SCNN1B: variants seen among roughly 807,000 people sequenced by gnomAD.
SCNN1B encodes sodium channel epithelial 1 subunit beta, also known as epithelial sodium channel subunit beta.
In SCNN1B, 46 loss-of-function variants were observed where a neutral mutation model predicts 65.3. That is an observed-to-expected ratio of 0.70 (90% CI 0.56 to 0.90). The LOEUF (loss-of-function observed/expected upper bound fraction) is 0.90. SCNN1B is among the 40% of genes least tolerant of loss of function. The pLI, the probability that SCNN1B is intolerant of heterozygous loss-of-function variation, is 0.00. For synonymous variants in SCNN1B, 349 were observed against 330.6 expected, an observed-to-expected ratio of 1.06 and a Z score of -0.60; for missense variants, 751 against 830.5, an observed-to-expected ratio of 0.90 and a Z score of 1.18.
intron 2 of SCNN1B, among the ~76,000 whole-genome samples, chr16:23,351,236 G>A (rs912660845): frequency 2.6e-5 from 4 of 152,046 alleles, no homozygotes; most frequent in African/African-American, 9.7e-5. Flanking sequence ...ACTCCTTCTG[G>A]GCACTGATCC....
intron 7 of SCNN1B, among the ~76,000 whole-genome samples, chr16:23,374,573 C>CAA (rs1168924579): frequency 3.2e-3 from 152 of 47,938 alleles, no homozygotes; most frequent in Non-Finnish European, 4.6e-3. Flanking sequence ...GACTCCATCT[C>CAA]AAAAAAAAAA....
At chr16:23,360,225 T>TAAATAAACAAATAAAC (rs748501690) in intron 4 of SCNN1B, among the ~76,000 whole-genome samples, 2 of 150,022 alleles carry the variant, frequency 1.3e-5, no homozygotes, top group African/African-American at 4.9e-5. Flanking sequence ...AATAAATAAA[T>TAAATAAACAAATAAAC]AAACAAATAA....
rs200738425 is a variant in SCNN1B at position 23,343,581 on chromosome 16, GAGAAAGAAAGAAAGAAAGAAAGAA to G, written c.-8-4965_-8-4942del. 6.3e-3 allele frequency among the ~76,000 whole-genome samples: 446 copies of G among 70,384 alleles called. 3 individuals carry two copies. Among genetic ancestry groups the G allele is most frequent in the Admixed American group, 0.012 (69 of 5,766 alleles). 46.2% of individuals were successfully genotyped at this position (70,384 alleles called of 152,430 possible). The stretch of plus-strand genomic sequence containing the variant: ...GAAGGAAAAAAGAAAGAAAGAAAAA[GAGAAAGAAAGAAAGAAAGAAAGAA>G]AGAAAGAAAGAAAGAAAGAAAGAAA... On this transcript the variant is annotated intron_variant, in intron 1 of 12. Coordinates refer to ENST00000343070, the MANE Select transcript of SCNN1B (RefSeq NM_000336.3).
At chr16:23,297,211 C>A (rs1038804053) in intron 2 of SCNN1B, among the ~76,000 whole-genome samples, 1 of 152,148 alleles carries the variant, frequency 6.6e-6, no homozygotes, top group East Asian at 1.9e-4. Context: ...CTTAGGCAGG[C>A]AGTTGCCTAT....
intron 4 of SCNN1B, among the ~76,000 whole-genome samples, chr16:23,361,427 T>C (rs1221197673): frequency 6.6e-6 from 1 of 151,862 alleles, no homozygotes; most frequent in Non-Finnish European, 1.5e-5. Context: ...GGGAAGGGAG[T>C]GGCCAGTGGG....
intron 1 of SCNN1B, among the ~76,000 whole-genome samples, chr16:23,283,026 G>C (rs1264161734): frequency 6.6e-6 from 1 of 152,198 alleles, no homozygotes; most frequent in Admixed American, 6.5e-5. Flanking sequence ...CCCAACTTGG[G>C]GGCTTGCCTA....
chr16:23,286,309 A>G (rs1960849494), intron 2 of SCNN1B, among the ~76,000 whole-genome samples: 1 of 152,220 alleles, frequency 6.6e-6, no homozygotes, highest in South Asian at 2.1e-4. Context: ...CTGCAAGGTG[A>G]AAGGTTCAAG....
In SCNN1B at chr16:23,352,850, G is replaced by T; in HGVS notation, c.361G>T (p.Ala121Ser). 1 of 1,614,188 alleles carries T rather than the reference G, an allele frequency of 6.2e-7. No individual in the cohort carries two copies. The highest frequency in any genetic ancestry group is 1.3e-5 in the African/African-American group (1 of 75,036). The change falls in exon 3 of 13, where the codon GCT becomes TCT. Residue 121 changes from alanine to serine, a missense_variant. Coordinates refer to ENST00000343070, the MANE Select transcript of SCNN1B (RefSeq NM_000336.3). ...GAAGGACCTGGATGAGCTGATGGAA[G>T]CTGTCCTGGAGAGAATCCTGGCTCC... The part of the protein sequence containing the change: ...LLKDLDELME[A>S]VLERILAPEL...
At chr16:23,335,778 G>T (rs1961925881) in intron 1 of SCNN1B, among the ~76,000 whole-genome samples, 1 of 151,742 alleles carries the variant, frequency 6.6e-6, no homozygotes, top group Non-Finnish European at 1.5e-5. Flanking sequence ...AAATGCATGT[G>T]TGCTTCATAT....
chr16:23,308,579 C>T (rs1961270532), intron 1 of SCNN1B, among the ~76,000 whole-genome samples: 1 of 152,180 alleles, frequency 6.6e-6, no homozygotes, highest in South Asian at 2.1e-4. Flanking sequence ...ATCAGAGACT[C>T]TCAGAATGAG....
At chr16:23,359,723 A>G (rs1241684675) in intron 4 of SCNN1B, among the ~76,000 whole-genome samples, 1 of 152,152 alleles carries the variant, frequency 6.6e-6, no homozygotes, top group Non-Finnish European at 1.5e-5. Flanking sequence ...AACTGCCTGG[A>G]CTTGAATGTC....
At chr16:23,304,293 TCACACACAAG>T (rs1234498211) in intron 1 of SCNN1B, among the ~76,000 whole-genome samples, 2 of 151,552 alleles carry the variant, frequency 1.3e-5, no homozygotes, top group Non-Finnish European at 2.9e-5. Context: ...ATATGCATGT[TCACACACAAG>T]CACACACGGG....
intron 5 of SCNN1B, among the ~76,000 whole-genome samples, chr16:23,369,655 G>T (rs74012894): frequency 6.6e-6 from 1 of 152,066 alleles, no homozygotes; most frequent in African/African-American, 2.4e-5. Flanking sequence ...CATCGGGGCC[G>T]CTGGCCAAGA....
rs1256900625 is a variant in SCNN1B at position 23,282,078 on chromosome 16, G to A, written n.111-1659G>A. ...GCATGGAGACTCCAAAAGGTGGGAGGGTGGGAAAGGGATGAAGGATGGAAC... is the reference window on the plus strand; with the variant it reads ...GCATGGAGACTCCAAAAGGTGGGAGAGTGGGAAAGGGATGAAGGATGGAAC... On this transcript the variant is annotated intron_variant and non_coding_transcript_variant, in intron 1 of 3. Coordinates refer to the SCNN1B transcript ENST00000569789. 3.9e-5 allele frequency among the ~76,000 whole-genome samples: 6 copies of A among 151,992 alleles called. No homozygotes were observed. In the South Asian group the frequency reaches 1.2e-3, roughly 32 times the overall value.
At chr16:23,368,702 G>A (rs538865202) in intron 5 of SCNN1B, among the ~76,000 whole-genome samples, 11 of 152,298 alleles carry the variant, frequency 7.2e-5, no homozygotes, top group Middle Eastern at 3.4e-3. Flanking sequence ...GTGGTAAATC[G>A]TTTCACCTGC....
intron 2 of SCNN1B, among the ~76,000 whole-genome samples, chr16:23,290,501 T>TCTTG (rs1227304458): frequency 6.6e-6 from 1 of 152,138 alleles, no homozygotes; most frequent in African/African-American, 2.4e-5. Context: ...AGAGACCAGG[T>TCTTG]CTTGCTACGT....
chr16:23,316,219 CACCACCATCAGG>C (rs1961457277), intron 1 of SCNN1B, among the ~76,000 whole-genome samples: 1 of 151,734 alleles, frequency 6.6e-6, no homozygotes, highest in Admixed American at 6.6e-5. Context: ...TCCTCACCAT[CACCACCATCAGG>C]ATCACCATCA....
At chr16:23,323,398 C>G (rs1030955427) in intron 1 of SCNN1B, among the ~76,000 whole-genome samples, 32 of 152,148 alleles carry the variant, frequency 2.1e-4, no homozygotes, top group African/African-American at 7.2e-4. Context: ...TACCCAAGGG[C>G]TCCAGCATGT....
chr16:23,353,110 C>T, intron 3 of SCNN1B, 36 bp downstream of exon 3: 10 of 1,611,796 alleles, frequency 6.2e-6, no homozygotes, highest in Non-Finnish European at 8.5e-6. Context: ...AGCAATGGGC[C>T]CCACCCAGTG....
Sources: gnomAD v4.1 joint callset for allele counts (sites outside exome capture counted in the v4.1 genomes callset) on GRCh38, gnomAD v4.1.1 for gene constraint, MANE v1.5 for transcripts, NCBI Gene and HGNC (gene_info 2026-07-23, HGNC 2026-07-21) for gene names.